SSBP4: variants seen among roughly 807,000 people sequenced by gnomAD.
SSBP4 encodes single stranded DNA binding protein 4, also known as single-stranded DNA-binding protein 4.
In SSBP4, 33 loss-of-function variants were observed where a neutral mutation model predicts 64.6. The ratio of observed to expected loss-of-function variants is 0.51; its 90% confidence interval spans 0.39 to 0.68. SSBP4 has a LOEUF of 0.68. Ranked by LOEUF, SSBP4 falls within the 30% of genes least tolerant of loss-of-function variation. SSBP4 has a pLI of 0.00. For synonymous variants in SSBP4, 243 were observed against 224.0 expected, an observed-to-expected ratio of 1.08 and a Z score of -0.76; for missense variants, 583 against 566.8, an observed-to-expected ratio of 1.03 and a Z score of -0.29.
At chr19:18,419,283 C>T (rs1036000024), upstream of SSBP4, 1 of 996,750 alleles carries the variant, frequency 1.0e-6, no homozygotes, top group Non-Finnish European at 1.2e-6. Context: ...TGCGCGTGCG[C>T]GCTCCGGCGG....
chr19:18,429,676 C>T (rs1157797562), intron 4 of SSBP4, among the ~76,000 whole-genome samples: 1 of 152,058 alleles, frequency 6.6e-6, no homozygotes, highest in Non-Finnish European at 1.5e-5. Flanking sequence ...GGGGTGGGGG[C>T]CAGAGCCCAG....
Position 18,419,420 on chromosome 19 carries a change from G to C in SSBP4, c.-229G>C. ...CGCGTTTCCCGGAACAGCCCGCGCG[G>C]AGGAAAGGGAGGAAAAAAAGCCACC... is the stretch of plus-strand genomic sequence containing the variant. On this transcript the variant is annotated 5_prime_UTR_variant, in exon 1 of 18. Transcript: ENST00000270061. 1 of 1,041,270 alleles carries C rather than the reference G, an allele frequency of 9.6e-7. No individual in the cohort carries two copies. The highest frequency in any genetic ancestry group is 4.5e-5 in the South Asian group (1 of 22,450). 64.5% of individuals were successfully genotyped at this position (1,041,270 alleles called of 1,614,324 possible).
chr19:18,415,625 C>T (rs971338623), upstream of SSBP4, among the ~76,000 whole-genome samples: 4 of 152,102 alleles, frequency 2.6e-5, no homozygotes, highest in African/African-American at 4.8e-5. Flanking sequence ...AGGAGTTGGC[C>T]TCCTCCCCCA....
At chr19:18,433,421 C>CA in intron 15 of SSBP4, 164 bp from the exon 16 acceptor site, 4 of 1,346,546 alleles carry the variant, frequency 3.0e-6, no homozygotes, top group Non-Finnish European at 4.1e-6. Context: ...CCCTCCCCCC[C>CA]AGGCCCAACC....
rs553832182 is a variant in SSBP4, at chr19:18,426,952, G to T, written c.60-399G>T. Among the ~76,000 whole-genome samples, 3 of 152,094 alleles carry T rather than the reference G, an allele frequency of 2.0e-5. No individual in the cohort carries two copies. The highest frequency in any genetic ancestry group is 4.4e-5 in the Non-Finnish European group (3 of 67,984). ...CCCTTCCCTCCTTCCTTCCTGGGCC[G>T]GGGAGGCTGGGGATGAGTTTGGAGG... On this transcript the variant is annotated intron_variant, in intron 1 of 17. Transcript: ENST00000270061. This position sits in a 1 kb window ranked among gnomAD's most constrained non-coding sequence, Gnocchi z 4.5.
intron 1 of SSBP4, among the ~76,000 whole-genome samples, chr19:18,420,627 A>G (rs145765671): frequency 1.3e-5 from 2 of 152,014 alleles, no homozygotes; most frequent in Admixed American, 6.5e-5. Flanking sequence ...TGGGAGGCCG[A>G]GGCGGTCGGA....
intron 4 of SSBP4, among the ~76,000 whole-genome samples, chr19:18,430,539 G>A (rs1466987678): frequency 1.3e-5 from 2 of 152,154 alleles, no homozygotes; most frequent in Non-Finnish European, 2.9e-5. Flanking sequence ...TTTATTTGGG[G>A]GGTCCTGAGT....
intron 4 of SSBP4, 79 bp downstream of exon 4, chr19:18,428,061 G>T: frequency 7.1e-7 from 1 of 1,400,326 alleles, no homozygotes; most frequent in Non-Finnish European, 9.8e-7. Flanking sequence ...TGGGGTGGGG[G>T]GCTGCACAGC....
At chr19:18,430,287 C>T (rs1291213799) in intron 4 of SSBP4, among the ~76,000 whole-genome samples, 4 of 152,156 alleles carry the variant, frequency 2.6e-5, no homozygotes, top group Admixed American at 1.3e-4. Flanking sequence ...AACTTGGTCC[C>T]CGGCCAGGTC....
chr19:18,410,788 A>C, the SSBP4 span, among the ~76,000 whole-genome samples: 20 of 151,992 alleles, frequency 1.3e-4, no homozygotes, highest in East Asian at 3.3e-3. Flanking sequence ...GCTGCCCTCA[A>C]GTGGTTATAT....
chr19:18,429,374 G>C (rs1378629855), intron 4 of SSBP4, among the ~76,000 whole-genome samples: 1 of 152,024 alleles, frequency 6.6e-6, no homozygotes, highest in East Asian at 1.9e-4. Context: ...GATGATTGAC[G>C]TAGGGGGTCT....
upstream of SSBP4, chr19:18,418,917 G>A (rs569331958): frequency 3.9e-3 from 3,734 of 962,530 alleles, 9 homozygotes; most frequent in Non-Finnish European, 4.4e-3. This position sits in a 1 kb window ranked among gnomAD's most constrained non-coding sequence, Gnocchi z 6.7. Context: ...TGGGTGTGTG[G>A]CAGTGTATGT....
At chr19:18,429,602 A>G (rs1426085658) in intron 4 of SSBP4, among the ~76,000 whole-genome samples, 1 of 141,256 alleles carries the variant, frequency 7.1e-6, no homozygotes, top group Admixed American at 6.9e-5. Context: ...ACCCTCGGGG[A>G]GTGGACCGGA....
chr19:18,421,804 T>C (rs1327560841), intron 1 of SSBP4, among the ~76,000 whole-genome samples: 2 of 152,120 alleles, frequency 1.3e-5, no homozygotes, highest in East Asian at 3.9e-4. Context: ...GGAGTGGGGC[T>C]TATAGGGGTC....
the SSBP4 span, among the ~76,000 whole-genome samples, chr19:18,407,010 C>A: frequency 1.3e-5 from 2 of 152,016 alleles, no homozygotes; most frequent in Middle Eastern, 3.2e-3. Context: ...GCTGCCTCCT[C>A]TGTATTTTTA....
intron 4 of SSBP4, among the ~76,000 whole-genome samples, chr19:18,428,369 G>A (rs576602659): frequency 3.0e-4 from 45 of 152,206 alleles, no homozygotes; most frequent in Non-Finnish European, 5.1e-4. Flanking sequence ...GGTCACTGCT[G>A]CTCCTCTGAG....
rs918942073 is a variant in SSBP4 at position 18,426,213 on chromosome 19, C to T, written c.60-1138C>T. 6.6e-6 allele frequency: 1 copy of T among 152,412 alleles called. No homozygotes were observed. 9.4% of individuals were successfully genotyped at this position (152,412 alleles called of 1,614,324 possible). ...TTGGAGCAGCCTGGCTGGGAGGGAGCAGAGCGTGAGTCAAAGGAAGGTTAT... is the reference window on the plus strand; with the variant it reads ...TTGGAGCAGCCTGGCTGGGAGGGAGTAGAGCGTGAGTCAAAGGAAGGTTAT... On this transcript the variant is annotated intron_variant, in intron 1 of 17. Coordinates refer to ENST00000270061, the MANE Select transcript of SSBP4 (RefSeq NM_032627.5). This position sits in a 1 kb window ranked among gnomAD's most constrained non-coding sequence, Gnocchi z 4.5.
intron 4 of SSBP4, among the ~76,000 whole-genome samples, chr19:18,428,598 C>T (rs1469660426): frequency 6.6e-6 from 1 of 152,164 alleles, no homozygotes; most frequent in South Asian, 2.1e-4. Flanking sequence ...CCTTCATCCT[C>T]TGCGCTGGAC....
Position 18,424,360 on chromosome 19 carries a change from T to TC in SSBP4, c.60-2989dup, listed in dbSNP as rs200643385. Among the ~76,000 whole-genome samples the TC allele has an allele frequency of 5.9e-3, 902 of 152,202 alleles. 6 individuals are homozygous for TC. The highest frequency in any genetic ancestry group is 0.021 in the African/African-American group (854 of 41,516). ...TCTAAGGTCGTTGCAGTGAGCAGAC[T>TC]CCAAGTCCCCGCCCCACGTCAAGCT... On this transcript the variant is annotated intron_variant, in intron 1 of 17. Coordinates refer to ENST00000270061, the MANE Select transcript of SSBP4 (RefSeq NM_032627.5).
Sources: allele counts gnomAD v4.1 joint callset (sites outside exome capture counted in the v4.1 genomes callset), GRCh38; gene constraint gnomAD v4.1.1; non-coding constraint Gnocchi (gnomAD v3.1); transcripts MANE v1.5; gene names NCBI Gene and HGNC (gene_info 2026-07-23, HGNC 2026-07-21).